NOL10: variants seen among roughly 807,000 people sequenced by gnomAD.
NOL10 encodes the protein nucleolar protein 10, also known as H_NH0074G24.1.
NOL10 carries 58 observed loss-of-function variants against 103.5 expected under a neutral mutation model. That is an observed-to-expected ratio of 0.56 (90% CI 0.45 to 0.70). The LOEUF is 0.70. Among genes scored for constraint, NOL10 ranks in the 30% least tolerant of loss-of-function variants. NOL10 has a pLI of 0.00. For missense variants in NOL10, 763 were observed against 807.3 expected (o/e 0.95, Z 0.67); for synonymous variants, 287 against 282.5 (o/e 1.02, Z -0.16).
Position 10,620,888 on chromosome 2 carries a change from T to C in NOL10, c.1027-13577A>G, listed in dbSNP as rs192151504. Among the ~76,000 whole-genome samples, 163 of 152,252 alleles carry C rather than the reference T, an allele frequency of 1.1e-3. No homozygotes were observed. The East Asian group carries it at 0.015, about 14-fold the overall frequency. On this transcript the variant is annotated intron_variant, in intron 13 of 20. Coordinates refer to ENST00000381685, the MANE Select transcript of NOL10 (RefSeq NM_024894.4). The stretch of plus-strand genomic sequence containing the variant: ...TCACTTCACTGCCACTTCCACCTCC[T>C]GGGCTCAAGCGATGCTCCTGCCTCA...
At chr2:10,596,780 G>C (rs552596611) in intron 17 of NOL10, among the ~76,000 whole-genome samples, 2 of 152,214 alleles carry the variant, frequency 1.3e-5, no homozygotes, top group South Asian at 4.1e-4. Flanking sequence ...ATTCATCAGA[G>C]ACTTTAAGGC....
Position 10,644,241 on chromosome 2 carries a change from G to A in NOL10, c.1026+79C>T, listed in dbSNP as rs138284551. 174 of 1,102,294 alleles carry A rather than the reference G, an allele frequency of 1.6e-4. 1 individual carries two copies. In the African/African-American group the frequency reaches 2.1e-3, roughly 13 times the overall value. The allele number at this position is 1,102,294 out of a possible 1,614,324, so 68.3% of individuals were successfully genotyped here. The stretch of plus-strand genomic sequence containing the variant: ...CCAGCATCGGTGATCGCCAGACTCC[G>A]TCTCAAAAAATTAAATAAATAATAA... On this transcript the variant is annotated intron_variant, in intron 13 of 20. Transcript: ENST00000381685.
intron 17 of NOL10, among the ~76,000 whole-genome samples, chr2:10,597,519 C>A (rs1675756460): frequency 6.6e-6 from 1 of 152,200 alleles, no homozygotes; most frequent in African/African-American, 2.4e-5. Flanking sequence ...ATGAAGGATT[C>A]TTTCCTTAAT....
At chr2:10,663,357 ACTT>A (rs1241579035) in intron 8 of NOL10, among the ~76,000 whole-genome samples, 2 of 125,238 alleles carry the variant, frequency 1.6e-5, no homozygotes, top group African/African-American at 3.1e-5. Flanking sequence ...ACAGAGCAAG[ACTT>A]CGTCTCAAAA....
chr2:10,679,948 G>A (rs1681613983), intron 3 of NOL10, among the ~76,000 whole-genome samples: 1 of 151,790 alleles, frequency 6.6e-6, no homozygotes, highest in African/African-American at 2.4e-5. Flanking sequence ...ATATTTTTAA[G>A]ATAAAATAAA....
chr2:10,618,165 C>A (rs1356100369), intron 13 of NOL10, among the ~76,000 whole-genome samples: 1 of 151,744 alleles, frequency 6.6e-6, no homozygotes, highest in Non-Finnish European at 1.5e-5. Flanking sequence ...GTGGGTACCA[C>A]AGAGCCTGGC....
chr2:10,608,970 GA>G (rs1324828240), intron 13 of NOL10, among the ~76,000 whole-genome samples: 1 of 152,028 alleles, frequency 6.6e-6, no homozygotes, highest in Admixed American at 6.5e-5. Flanking sequence ...AAACCTTCAA[GA>G]AATGCAAGGC....
chr2:10,589,818 G>C (rs1675304909), intron 17 of NOL10, 67 bp from the exon 18 acceptor site: 5 of 923,486 alleles, frequency 5.4e-6, no homozygotes, highest in Non-Finnish European at 7.7e-6. Context: ...CAGAAACATG[G>C]TTTTAAAACA....
At chr2:10,596,849 T>C (rs1675718659) in intron 17 of NOL10, among the ~76,000 whole-genome samples, 1 of 152,066 alleles carries the variant, frequency 6.6e-6, no homozygotes, top group South Asian at 2.1e-4. Flanking sequence ...ATAGGAAAAA[T>C]AGCTCTAACC....
At chr2:10,663,284 T>C (rs907318821) in intron 8 of NOL10, among the ~76,000 whole-genome samples, 2 of 151,488 alleles carry the variant, frequency 1.3e-5, no homozygotes, top group Admixed American at 6.6e-5. Context: ...GAAGAACTGC[T>C]TGAACCCGGG....
At chr2:10,675,338 G>T (rs938349744) in intron 4 of NOL10, among the ~76,000 whole-genome samples, 1 of 152,104 alleles carries the variant, frequency 6.6e-6, no homozygotes, top group Non-Finnish European at 1.5e-5. Flanking sequence ...GTGGCCCCCA[G>T]CTGACAGCCA....
At chr2:10,662,801 C>CTCACTA (rs1249357629) in intron 9 of NOL10, among the ~76,000 whole-genome samples, 158 bp downstream of exon 9, 1 of 152,214 alleles carries the variant, frequency 6.6e-6, no homozygotes, top group African/African-American at 2.4e-5. Context: ...ATCTGGCTTA[C>CTCACTA]TCACTAGTGA....
chr2:10,630,442 A>G (rs1004990711), intron 13 of NOL10, among the ~76,000 whole-genome samples: 2 of 152,146 alleles, frequency 1.3e-5, no homozygotes, highest in Non-Finnish European at 2.9e-5. Context: ...GCTGGGCGCG[A>G]TGGCTCACAC....
intron 14 of NOL10, among the ~76,000 whole-genome samples, chr2:10,606,724 A>T (rs1350645982): frequency 1.3e-5 from 2 of 152,158 alleles, no homozygotes; most frequent in African/African-American, 4.8e-5. Flanking sequence ...GTAACTATTA[A>T]GGTTCTTCTA....
chr2:10,688,879 G>T (rs576484469), intron 1 of NOL10, among the ~76,000 whole-genome samples: 1 of 152,346 alleles, frequency 6.6e-6, no homozygotes, highest in Admixed American at 6.5e-5. Context: ...TAGGAAGAAA[G>T]GAAAAACCTA....
At chr2:10,581,615 C>T (rs1401892796) in intron 19 of NOL10, among the ~76,000 whole-genome samples, 2 of 152,124 alleles carry the variant, frequency 1.3e-5, no homozygotes, top group Non-Finnish European at 2.9e-5. Context: ...TGTTGTGAGG[C>T]CAGAAGTTCA....
intron 13 of NOL10, among the ~76,000 whole-genome samples, chr2:10,617,932 G>A (rs1676916188): frequency 6.6e-6 from 1 of 151,250 alleles, no homozygotes; most frequent in South Asian, 2.1e-4. Context: ...GCTGGGAGAG[G>A]GAGGAGAAGG....
At chr2:10,663,945 C>T (rs1416557328) in intron 8 of NOL10, among the ~76,000 whole-genome samples, 18 of 149,446 alleles carry the variant, frequency 1.2e-4, no homozygotes, top group Non-Finnish European at 2.1e-4. Context: ...AGCGAGACTC[C>T]GTCTCCAAAA....
intron 13 of NOL10, among the ~76,000 whole-genome samples, chr2:10,620,213 T>G (rs1472257577): frequency 6.6e-6 from 1 of 152,192 alleles, no homozygotes; most frequent in Non-Finnish European, 1.5e-5. Context: ...GGCAAAAGTG[T>G]TTATTAATAA....
Sources: allele counts gnomAD v4.1 joint callset (sites outside exome capture counted in the v4.1 genomes callset), GRCh38; gene constraint gnomAD v4.1.1; transcripts MANE v1.5; gene names NCBI Gene and HGNC (gene_info 2026-07-23, HGNC 2026-07-21).